The following ZNF232 variants were observed in gnomAD, a reference collection of about 807,000 sequenced individuals.
The protein encoded by ZNF232 is zinc finger and SCAN domain-containing protein 11.
ZNF232 carries 25 observed loss-of-function variants against 25.2 expected under a neutral mutation model. The ratio of observed to expected loss-of-function variants is 0.99; its 90% CI spans 0.72 to 1.39. The LOEUF (loss-of-function observed/expected upper bound fraction) is 1.39, where lower values mean the gene tolerates loss of function less well. ZNF232 is among the 40% of genes most tolerant of loss of function. The pLI, the probability that ZNF232 is intolerant of heterozygous loss-of-function variation, is 0.00. For synonymous variants in ZNF232, 193 were observed against 182.9 expected (o/e 1.06, Z -0.45); for missense variants, 519 against 520.9 (o/e 1.00, Z 0.04).
intron 1 of ZNF232, among the ~76,000 whole-genome samples, chr17:5,117,008 T>C (rs2072552972): frequency 6.6e-6 from 1 of 152,146 alleles, no homozygotes; most frequent in Non-Finnish European, 1.5e-5. Context: ...GGGTAAATAA[T>C]AGGAAGGAAA....
Position 5,109,467 on chromosome 17 carries a change from T to C in ZNF232, c.425A>G (p.His142Arg), listed in dbSNP as rs146910248. The change falls in exon 2 of 4, where the codon CAT becomes CGT. Residue 142 changes from histidine (H) to arginine (R), a missense_variant. Transcript: ENST00000575898. ...AGCCTCCTCTCCACTCTTAGGGTGATGTCCCCGCACCCAGGATTGGAGCTC... is the reference window on the plus strand; with the variant it reads ...AGCCTCCTCTCCACTCTTAGGGTGACGTCCCCGCACCCAGGATTGGAGCTC... 12 of 1,614,018 alleles carry C rather than the reference T, an allele frequency of 7.4e-6. No homozygotes were observed. The highest frequency in any genetic ancestry group is 2.7e-5 in the African/African-American group (2 of 74,922).
exon 3 of ZNF232, chr17:5,109,000 T>G (rs1443353428): frequency 1.2e-6 from 2 of 1,614,128 alleles, no homozygotes; most frequent in South Asian, 1.1e-5. Flanking sequence ...TCCCAGAGAT[T>G]CCTTCTTCTC....
At chr17:5,116,998 G>A (rs998715141) in intron 1 of ZNF232, among the ~76,000 whole-genome samples, 1 of 152,190 alleles carries the variant, frequency 6.6e-6, no homozygotes, top group South Asian at 2.1e-4. Context: ...GAGAGTTCAT[G>A]GGTAAATAAT....
At chr17:5,119,044 G>A (rs1338809834) in intron 1 of ZNF232, among the ~76,000 whole-genome samples, 5 of 152,158 alleles carry the variant, frequency 3.3e-5, no homozygotes, top group African/African-American at 4.8e-5. Flanking sequence ...GGTTTCACTG[G>A]GGGCCTGCCA....
chr17:5,107,256 C>T (rs1270043113), intron 3 of ZNF232, among the ~76,000 whole-genome samples: 1 of 151,300 alleles, frequency 6.6e-6, no homozygotes, highest in African/African-American at 2.4e-5. Context: ...AGCATGATGG[C>T]GGGCGCCTGT....
upstream of ZNF232, chr17:5,111,943 G>A (rs923496376): frequency 7.0e-7 from 1 of 1,426,166 alleles, no homozygotes; most frequent in Admixed American, 2.4e-5. Context: ...GCTTCCGTTC[G>A]CGGACTTTGG....
rs752639279 is a variant in ZNF232 at position 5,109,080 on chromosome 17, T to G, written c.499-28A>C. The G allele has an allele frequency of 3.1e-6, 5 of 1,613,646 alleles. No individual in the cohort carries two copies. The East Asian group carries it at 1.1e-4, about 36-fold the overall frequency. ...GGAGGTGATCAGGCACCACTCAGTT[T>G]AAATTTTCTTCAAATTACTAGTGTG... On this transcript the variant is annotated intron_variant, in intron 2 of 3. Coordinates refer to ENST00000575898, the Ensembl canonical transcript of ZNF232.
At chr17:5,110,789 G>A (rs2072385602) in intron 1 of ZNF232, among the ~76,000 whole-genome samples, 1 of 152,182 alleles carries the variant, frequency 6.6e-6, no homozygotes, top group African/African-American at 2.4e-5. Flanking sequence ...ATTTTGCTAA[G>A]GTTGAGGATG....
At chr17:5,114,823 C>G (rs1028229616), upstream of ZNF232, 2 of 152,026 alleles carry the variant, frequency 1.3e-5, no homozygotes, top group Non-Finnish European at 2.9e-5. Flanking sequence ...TGTGAGACTC[C>G]GTCCCAAAAA....
chr17:5,111,807 G>T (rs1040595220), exon 1 of ZNF232: 3 of 1,613,874 alleles, frequency 1.9e-6, no homozygotes, highest in Non-Finnish European at 2.5e-6. Flanking sequence ...CACCTCACAG[G>T]ACCAGGAGGT....
intron 1 of ZNF232, among the ~76,000 whole-genome samples, chr17:5,117,939 ATCCCAGCTCC>A (rs1242212893): frequency 6.6e-6 from 1 of 151,500 alleles, no homozygotes; most frequent in Non-Finnish European, 1.5e-5. Flanking sequence ...TGCACCTGTA[ATCCCAGCTCC>A]TCCCAGCTCC....
At chr17:5,114,088 A>C (rs943690506), upstream of ZNF232, 2 of 152,190 alleles carry the variant, frequency 1.3e-5, no homozygotes, top group Non-Finnish European at 2.9e-5. Flanking sequence ...AATAGTTAGG[A>C]CAAAAACAAA....
chr17:5,120,218 GGTGACAC>G (rs1567765081), intron 1 of ZNF232, among the ~76,000 whole-genome samples: 1 of 152,106 alleles, frequency 6.6e-6, no homozygotes, highest in Admixed American at 6.5e-5. Context: ...GGCCTGGCAC[GGTGACAC>G]CAACGTAGGG....
At chr17:5,122,723 C>G (rs1285620544) in intron 1 of ZNF232, among the ~76,000 whole-genome samples, 1 of 152,222 alleles carries the variant, frequency 6.6e-6, no homozygotes, top group African/African-American at 2.4e-5. Context: ...CGGAGCCCAG[C>G]CCCGGAAATG....
upstream of ZNF232, chr17:5,113,646 T>C (rs1470626021): frequency 6.6e-6 from 1 of 152,256 alleles, no homozygotes. Context: ...CTAAACTACA[T>C]ATTGACATTT....
chr17:5,115,577 A>ACACACACACACACACAC (rs1567761979), upstream of ZNF232, among the ~76,000 whole-genome samples: 438 of 79,028 alleles, frequency 5.5e-3, 3 homozygotes, highest in African/African-American at 0.021. Context: ...CACACACACA[A>ACACACACACACACACAC]AACCCAAAAC....
intron 2 of ZNF232, 58 bp downstream of exon 2, chr17:5,109,336 G>A (rs1484033847): frequency 7.5e-6 from 12 of 1,600,820 alleles, no homozygotes; most frequent in Admixed American, 1.7e-5. Flanking sequence ...GCTGCCCCTC[G>A]GTCCAGCCTG....
chr17:5,122,767 C>T (rs1189774686), intron 1 of ZNF232, among the ~76,000 whole-genome samples: 1 of 152,248 alleles, frequency 6.6e-6, no homozygotes, highest in Non-Finnish European at 1.5e-5. Flanking sequence ...AAACTTCCCA[C>T]CTCTCAGGTC....
chr17:5,113,163 A>G (rs186509330), upstream of ZNF232, among the ~76,000 whole-genome samples: 4 of 152,324 alleles, frequency 2.6e-5, no homozygotes, highest in East Asian at 3.9e-4. Flanking sequence ...ATCCTTGAAA[A>G]TGCGCATTGA....
Sources: gnomAD v4.1 joint callset for allele counts (sites outside exome capture counted in the v4.1 genomes callset) on GRCh38, gnomAD v4.1.1 for gene constraint, MANE v1.5 for transcripts, NCBI Gene and HGNC (gene_info 2026-07-23, HGNC 2026-07-21) for gene names.